The following SERPINA5 variants were observed in gnomAD, a reference collection of about 807,000 sequenced individuals.
SERPINA5 encodes the protein serpin family A member 5.
In SERPINA5, 25 loss-of-function variants were observed where a neutral mutation model predicts 25.3. The observed-to-expected ratio is 0.99, with a 90% confidence interval of 0.72 to 1.38. SERPINA5 has a LOEUF of 1.38. SERPINA5 is among the 40% of genes most tolerant of loss of function. The pLI, the probability that SERPINA5 is intolerant of heterozygous loss-of-function variation, is 0.00. For missense variants in SERPINA5, 599 were observed against 509.5 expected, an observed-to-expected ratio of 1.18 and a Z score of -1.69; for synonymous variants, 234 against 206.2, an observed-to-expected ratio of 1.14 and a Z score of -1.16.
intron 3 of SERPINA5, among the ~76,000 whole-genome samples, chr14:94,588,734 A>G (rs1449427345): frequency 6.6e-6 from 1 of 152,204 alleles, no homozygotes; most frequent in Non-Finnish European, 1.5e-5. Context: ...CAACAAACAT[A>G]TATTTCTCAT....
intron 2 of SERPINA5, among the ~76,000 whole-genome samples, chr14:94,586,402 G>A (rs1885085266): frequency 6.6e-6 from 1 of 152,106 alleles, no homozygotes; most frequent in South Asian, 2.1e-4. Context: ...TCCTTCCAAG[G>A]CCCCTCTCCT....
intron 2 of SERPINA5, chr14:94,587,029 T>C (rs1885111589): frequency 3.7e-6 from 1 of 268,252 alleles, no homozygotes; most frequent in African/African-American, 2.2e-5. Context: ...GAGGGAACCC[T>C]CTCCCTCCAT....
At chr14:94,590,530 G>T (rs891604255) in intron 4 of SERPINA5, 20 of 794,422 alleles carry the variant, frequency 2.5e-5, no homozygotes, top group Non-Finnish European at 3.6e-5. Flanking sequence ...GCCAGAGTGG[G>T]CAGAGACCTC....
At chr14:94,591,574 A>ATTCTATTCTATTCTATTCTATTC (rs1566839352) in intron 5 of SERPINA5, among the ~76,000 whole-genome samples, 2 of 149,166 alleles carry the variant, frequency 1.3e-5, no homozygotes, top group African/African-American at 5.0e-5. Context: ...ATTCTATTCT[A>ATTCTATTCTATTCTATTCTATTC]TTCTATTCTA....
rs752950539 is a variant in SERPINA5, at chr14:94,587,610, C to A, written c.248C>A (p.Ala83Asp). 1 of 1,614,054 alleles carries A rather than the reference C, an allele frequency of 6.2e-7. No homozygotes were observed. The highest frequency in any genetic ancestry group is 1.1e-5 in the South Asian group (1 of 91,060). The change falls in exon 3 of 6, where the codon GCT becomes GAT. Residue 83 changes from alanine (A) to aspartate (D), a missense_variant. Physicochemically the swap from Ala to Asp is moderately radical, Grantham distance 126. Coordinates refer to ENST00000329597, the MANE Select transcript of SERPINA5 (RefSeq NM_000624.6). ...AGCCTGGCCATGCTCTCCCTGGGGGCTGGGTCCAGCACAAAGATGCAGATC... is the reference window on the plus strand; with the variant it reads ...AGCCTGGCCATGCTCTCCCTGGGGGATGGGTCCAGCACAAAGATGCAGATC... ...SMSLAMLSLGAGSSTKMQILE... is the reference protein window; with the variant it reads ...SMSLAMLSLGDGSSTKMQILE...
chr14:94,583,240 A>G (rs1338124401), intron 2 of SERPINA5, among the ~76,000 whole-genome samples: 2 of 152,218 alleles, frequency 1.3e-5, no homozygotes, highest in Non-Finnish European at 2.9e-5. Flanking sequence ...ATTCTTTTAT[A>G]TGCTGTATAT....
At chr14:94,588,814 G>C (rs1258728158) in intron 3 of SERPINA5, among the ~76,000 whole-genome samples, 1 of 152,148 alleles carries the variant, frequency 6.6e-6, no homozygotes, top group East Asian at 1.9e-4. Context: ...GGTTCATAGA[G>C]AGTGCCTTCT....
At chr14:94,591,218 A>G (rs1174279314) in intron 5 of SERPINA5, among the ~76,000 whole-genome samples, 1 of 93,148 alleles carries the variant, frequency 1.1e-5, no homozygotes, top group Non-Finnish European at 2.2e-5. Context: ...TCTCCACTCC[A>G]CTCCTCCACT....
intron 2 of SERPINA5, among the ~76,000 whole-genome samples, chr14:94,583,430 T>G (rs1032134485): frequency 7.2e-5 from 11 of 152,162 alleles, no homozygotes; most frequent in African/African-American, 2.7e-4. Context: ...CAAGATTACT[T>G]CTTCTGGGAA....
intron 2 of SERPINA5, among the ~76,000 whole-genome samples, chr14:94,585,225 G>A (rs1034882136): frequency 1.3e-5 from 2 of 152,190 alleles, no homozygotes; most frequent in Non-Finnish European, 2.9e-5. Flanking sequence ...GCAGCAAGAT[G>A]TACCTTTTTG....
rs1885332869 is a variant in SERPINA5 at position 94,592,298 on chromosome 14, A to G, written c.*59A>G. 2 of 1,495,870 alleles carry G rather than the reference A, an allele frequency of 1.3e-6. No homozygotes were observed. Among genetic ancestry groups the G allele is most frequent in the South Asian group, 1.3e-5 (1 of 79,406 alleles). 92.7% of individuals were successfully genotyped at this position (1,495,870 alleles called of 1,614,324 possible). A position where few individuals can be genotyped will look rare whatever the true frequency, so the allele number is the denominator to read the frequency against. On this transcript the variant is annotated 3_prime_UTR_variant, in exon 6 of 6. Transcript: ENST00000329597. ...GGTGGGAGATGAAGGGGGCTAAGCT[A>G]TGGCCCATCTGTATGCTGGTAGCTA...
At chr14:94,591,544 G>GTTCTATTCTATTCTATTCTA (rs1449794789) in intron 5 of SERPINA5, among the ~76,000 whole-genome samples, 9 of 35,718 alleles carry the variant, frequency 2.5e-4, no homozygotes, top group South Asian at 7.9e-4. Context: ...CCTTTATTCT[G>GTTCTATTCTATTCTATTCTA]TTCTGTTCTA....
Position 94,592,378 on chromosome 14 carries a change from T to G in SERPINA5, c.*139T>G. 2 of 828,890 alleles carry G rather than the reference T, an allele frequency of 2.4e-6. No homozygotes were observed. The highest frequency in any genetic ancestry group is 3.7e-6 in the Non-Finnish European group (2 of 535,354). The allele number at this position is 828,890 out of a possible 1,614,324, so 51.3% of individuals were successfully genotyped here. On this transcript the variant is annotated 3_prime_UTR_variant, in exon 6 of 6. Coordinates refer to ENST00000329597, the MANE Select transcript of SERPINA5 (RefSeq NM_000624.6). ...AGGCATTACAAATAATATTACTCTA[T>G]GATGATTGCTTCCACCCACACGACT... is the stretch of plus-strand genomic sequence containing the variant.
In SERPINA5 at chr14:94,590,852, G is replaced by A; in HGVS notation, c.994G>A (p.Asp332Asn). Reference protein sequence around the residue: ...GISNVFTSHADLSGISNHSNI... With the variant: ...GISNVFTSHANLSGISNHSNI... ...CAGTAACGTCTTCACCTCCCATGCT[G>A]ATCTGTCCGGCATCAGCAACCACTC... is the stretch of plus-strand genomic sequence containing the variant. Residue 332 changes from aspartate to asparagine, a missense_variant, in exon 5 of 6, where the codon GAT becomes AAT. Coordinates refer to ENST00000329597, the MANE Select transcript of SERPINA5 (RefSeq NM_000624.6). 2 of 1,614,008 alleles carry A rather than the reference G, an allele frequency of 1.2e-6. No homozygotes were observed. The highest frequency in any genetic ancestry group is 1.7e-6 in the Non-Finnish European group (2 of 1,179,934).
intron 2 of SERPINA5, among the ~76,000 whole-genome samples, chr14:94,585,196 C>T (rs1195109093): frequency 6.6e-6 from 1 of 152,182 alleles, no homozygotes; most frequent in Non-Finnish European, 1.5e-5. Context: ...TCGGATTACC[C>T]ATCTGTAAAA....
At chr14:94,590,595 C>T in intron 4 of SERPINA5, 154 bp from the exon 5 acceptor site, 1 of 920,682 alleles carries the variant, frequency 1.1e-6, no homozygotes, top group Admixed American at 2.9e-5. Context: ...AGAAAAGAGG[C>T]CAGAGGAGCC....
rs760259738 is a variant in SERPINA5, at chr14:94,592,086, C to T, written c.1068C>T (p.Asp356=). 5.5e-5 allele frequency: 88 copies of T among 1,613,382 alleles called. No homozygotes were observed. The highest frequency in any genetic ancestry group is 1.7e-4 in the Middle Eastern group (1 of 6,006). ...TGCACAAAGCTGTGGTGGAGGTGGA[C>T]GAGTCGGGAACCAGAGCAGCGGCAG... ...EMVHKAVVEV[D]ESGTRAAAAT... Residue 356 remains aspartate (D), a synonymous_variant, in exon 6 of 6, where the codon GAC becomes GAT. Transcript: ENST00000329597.
chr14:94,590,369 A>C (rs1885240644), intron 4 of SERPINA5, 58 bp downstream of exon 4: 1 of 1,522,522 alleles, frequency 6.6e-7, no homozygotes, highest in Non-Finnish European at 8.8e-7. Flanking sequence ...GGAGACACAC[A>C]CGCCCTACCA....
intron 3 of SERPINA5, among the ~76,000 whole-genome samples, chr14:94,589,177 T>A (rs1885193484): frequency 6.6e-6 from 1 of 152,150 alleles, no homozygotes; most frequent in South Asian, 2.1e-4. Context: ...CCAGGCATGG[T>A]GGCTCACGCC....
Sources: allele counts gnomAD v4.1 joint callset (sites outside exome capture counted in the v4.1 genomes callset), GRCh38; gene constraint gnomAD v4.1.1; transcripts MANE v1.5; gene names NCBI Gene and HGNC (gene_info 2026-07-23, HGNC 2026-07-21).